The following CEP112 variants were observed in gnomAD, a reference collection of about 807,000 sequenced individuals.
The protein encoded by CEP112 is centrosomal protein of 112 kDa.
A neutral mutation model predicts 153.0 loss-of-function variants in CEP112; 127 were observed. The ratio of observed to expected loss-of-function variants is 0.83; its 90% CI spans 0.72 to 0.96. The LOEUF is 0.96. Among genes scored for constraint, CEP112 ranks in the 40% least tolerant of loss-of-function variants. The pLI, the probability that CEP112 is intolerant of heterozygous loss-of-function variation, is 0.00. For synonymous variants in CEP112, 358 were observed against 374.4 expected, an observed-to-expected ratio of 0.96 and a Z score of 0.51; for missense variants, 1,089 against 1,101.2, an observed-to-expected ratio of 0.99 and a Z score of 0.16.
chr17:65,721,259 C>T (rs1053706287), intron 23 of CEP112, among the ~76,000 whole-genome samples: 1 of 152,168 alleles, frequency 6.6e-6, no homozygotes, highest in Non-Finnish European at 1.5e-5. Context: ...ATCTGCCCGC[C>T]TTGGCCTCCC....
At chr17:65,958,602 A>C (rs1008619869) in intron 18 of CEP112, among the ~76,000 whole-genome samples, 2 of 51,860 alleles carry the variant, frequency 3.9e-5, no homozygotes, top group Non-Finnish European at 8.2e-5. Flanking sequence ...TGCCTCAGCC[A>C]CCTCTGGACT....
chr17:65,636,020 G>A (rs1426859160), intron 26 of CEP112, 46 bp from the exon 27 acceptor site: 1 of 1,576,192 alleles, frequency 6.3e-7, no homozygotes, highest in African/African-American at 1.3e-5. Context: ...GGTTTAACAG[G>A]TATGTCAATC....
At chr17:66,025,982 A>ACACACC (rs745581790) in intron 16 of CEP112, among the ~76,000 whole-genome samples, 78 of 131,048 alleles carry the variant, frequency 6.0e-4, no homozygotes, top group Middle Eastern at 8.0e-3. Context: ...ACACACACAC[A>ACACACC]CCCCATTTGT....
intron 6 of CEP112, among the ~76,000 whole-genome samples, chr17:66,100,600 GAAAAA>G (rs1012241132): frequency 2.0e-5 from 3 of 151,700 alleles, no homozygotes; most frequent in Non-Finnish European, 2.9e-5. Context: ...TGGATTCCCT[GAAAAA>G]AATAAAATAA....
intron 19 of CEP112, among the ~76,000 whole-genome samples, chr17:65,920,400 T>TATATATATATATATATAA (rs1254685722): frequency 8.8e-6 from 1 of 113,848 alleles, no homozygotes. Flanking sequence ...TATATATATA[T>TATATATATATATATATAA]ATATAATTAT....
At chr17:66,143,767 C>T (rs2070804126) in intron 4 of CEP112, among the ~76,000 whole-genome samples, 1 of 152,130 alleles carries the variant, frequency 6.6e-6, no homozygotes, top group Admixed American at 6.5e-5. Context: ...GTAACAGAAA[C>T]ATAGCTCAGA....
intron 23 of CEP112, among the ~76,000 whole-genome samples, chr17:65,696,418 C>G (rs146662346): frequency 1.3e-5 from 2 of 152,228 alleles, no homozygotes; most frequent in African/African-American, 4.8e-5. Flanking sequence ...CTATAGTGTT[C>G]TGTTATTTAA....
At chr17:66,103,219 CAA>C (rs546530645) in intron 6 of CEP112, among the ~76,000 whole-genome samples, 2 of 123,350 alleles carry the variant, frequency 1.6e-5, no homozygotes, top group Non-Finnish European at 1.7e-5. Flanking sequence ...AATTCCATCT[CAA>C]AAAAAAAAAA....
At chr17:66,148,679 T>A (rs980673842) in intron 4 of CEP112, among the ~76,000 whole-genome samples, 4 of 152,318 alleles carry the variant, frequency 2.6e-5, no homozygotes, top group Non-Finnish European at 4.4e-5. Flanking sequence ...CATATAAAAA[T>A]TTAATTAATT....
At chr17:65,659,015 CAAAAAAA>C (rs777326885) in intron 24 of CEP112, among the ~76,000 whole-genome samples, 10 of 55,600 alleles carry the variant, frequency 1.8e-4, no homozygotes, top group East Asian at 6.6e-4. Context: ...GACTCTGTCT[CAAAAAAA>C]AAAAAAAAAA....
chr17:66,117,470 A>G (rs1490146894), intron 6 of CEP112, among the ~76,000 whole-genome samples: 1 of 152,224 alleles, frequency 6.6e-6, no homozygotes, highest in Non-Finnish European at 1.5e-5. Flanking sequence ...ACAGCAGAAT[A>G]TATTAACTTT....
intron 23 of CEP112, among the ~76,000 whole-genome samples, chr17:65,718,281 G>A (rs1271261624): frequency 8.6e-5 from 13 of 151,852 alleles, no homozygotes; most frequent in Admixed American, 2.6e-4. Flanking sequence ...GGTGGTGGGC[G>A]CCTGTAATCC....
intron 17 of CEP112, among the ~76,000 whole-genome samples, chr17:66,001,921 C>T (rs1164270038): frequency 6.6e-6 from 1 of 152,120 alleles, no homozygotes; most frequent in Non-Finnish European, 1.5e-5. Context: ...TTTCAGATAA[C>T]TTTCCATTTC....
At chr17:66,177,132 T>C in intron 2 of CEP112, 112 bp from the exon 3 acceptor site, 1 of 840,232 alleles carries the variant, frequency 1.2e-6, no homozygotes, top group African/African-American at 1.7e-5. Context: ...CAACAAACCT[T>C]TTCTGTTAAA....
intron 18 of CEP112, among the ~76,000 whole-genome samples, chr17:65,941,022 A>G (rs1212864123): frequency 6.6e-6 from 1 of 152,144 alleles, no homozygotes; most frequent in East Asian, 1.9e-4. Context: ...TACAATTATG[A>G]TTTGTCAATT....
At chr17:66,081,508 T>A (rs1568469125) in intron 8 of CEP112, among the ~76,000 whole-genome samples, 1 of 152,124 alleles carries the variant, frequency 6.6e-6, no homozygotes, top group Non-Finnish European at 1.5e-5. Context: ...GAATGCTATG[T>A]TTCATATGAA....
chr17:66,128,984 A>G (rs1176855822), intron 6 of CEP112, among the ~76,000 whole-genome samples: 4 of 152,170 alleles, frequency 2.6e-5, no homozygotes, highest in African/African-American at 9.7e-5. Flanking sequence ...TATATTTTTC[A>G]AATTACAAAT....
At chr17:66,105,654 C>G (rs2068751045) in intron 6 of CEP112, among the ~76,000 whole-genome samples, 1 of 151,998 alleles carries the variant, frequency 6.6e-6, no homozygotes, top group African/African-American at 2.4e-5. Flanking sequence ...ATTAGCTGGG[C>G]ATTGTAGCGT....
At chr17:65,744,118 C>T (rs960034083) in intron 22 of CEP112, among the ~76,000 whole-genome samples, 3 of 152,012 alleles carry the variant, frequency 2.0e-5, no homozygotes, top group East Asian at 1.9e-4. Context: ...AAATACCTTA[C>T]GTTGTTGAAA....
Sources: allele counts gnomAD v4.1 joint callset (sites outside exome capture counted in the v4.1 genomes callset), GRCh38; gene constraint gnomAD v4.1.1; transcripts MANE v1.5; gene names NCBI Gene and HGNC (gene_info 2026-07-23, HGNC 2026-07-21).